The following UGT2B4 variants were observed in gnomAD, a reference collection of about 807,000 sequenced individuals.
UGT2B4 encodes the protein UDP-glucuronosyltransferase 2B4.
Under a neutral mutation model 49.8 loss-of-function variants are expected in UGT2B4, and 49 were observed. That is an observed-to-expected ratio of 0.98 (90% CI 0.78 to 1.25). The LOEUF is 1.25. Ranked by LOEUF, UGT2B4 falls within the 50% of genes most tolerant of loss-of-function variation. UGT2B4 has a pLI of 0.00. For synonymous variants in UGT2B4, 246 were observed against 217.7 expected (o/e 1.13, Z -1.14); for missense variants, 729 against 627.7 (o/e 1.16, Z -1.73).
intron 1 of UGT2B4, among the ~76,000 whole-genome samples, chr4:69,507,529 C>G (rs1032151787): frequency 3.3e-5 from 5 of 151,886 alleles, no homozygotes; most frequent in Admixed American, 3.3e-4. Context: ...TCCAAAATAA[C>G]CAACCAAACA....
At chr4:69,500,669 G>GAAAGA (rs1194966473), upstream of UGT2B4, among the ~76,000 whole-genome samples, 3 of 107,054 alleles carry the variant, frequency 2.8e-5, no homozygotes, top group African/African-American at 8.6e-5. Context: ...AAGAAAGAAA[G>GAAAGA]GAAGGAAAGA....
intron 1 of UGT2B4, among the ~76,000 whole-genome samples, chr4:69,510,982 CTT>C (rs1259714505): frequency 1.8e-5 from 2 of 110,956 alleles, no homozygotes; most frequent in Non-Finnish European, 3.5e-5. Flanking sequence ...TCTTTCTTTT[CTT>C]TTCTTCTTTT....
intron 1 of UGT2B4, among the ~76,000 whole-genome samples, chr4:69,501,231 T>G (rs542469769): frequency 5.8e-4 from 74 of 127,530 alleles, no homozygotes; most frequent in African/African-American, 2.1e-3. Context: ...CTTTGGAGAG[T>G]CCAGATGAAC....
At chr4:69,503,389 A>T (rs1375118578) in intron 1 of UGT2B4, among the ~76,000 whole-genome samples, 1 of 152,174 alleles carries the variant, frequency 6.6e-6, no homozygotes, top group Non-Finnish European at 1.5e-5. Flanking sequence ...CCAAGACTGC[A>T]GCTTCTCCTG....
upstream of UGT2B4, among the ~76,000 whole-genome samples, chr4:69,499,487 G>A (rs901150001): frequency 3.9e-5 from 6 of 152,186 alleles, no homozygotes; most frequent in Admixed American, 3.9e-4. Flanking sequence ...CAATTATTGT[G>A]TGGGAGTCTA....
At chr4:69,502,130 T>TTTCTTTCTTTCTTTC (rs1728348971) in intron 1 of UGT2B4, among the ~76,000 whole-genome samples, 2 of 143,184 alleles carry the variant, frequency 1.4e-5, no homozygotes, top group Non-Finnish European at 3.0e-5. Context: ...TCTTTCTTTC[T>TTTCTTTCTTTCTTTC]TTCTTTCTTT....
At chr4:69,520,795 C>A (rs527848602) in intron 1 of UGT2B4, among the ~76,000 whole-genome samples, 1 of 152,188 alleles carries the variant, frequency 6.6e-6, no homozygotes, top group African/African-American at 2.4e-5. Flanking sequence ...AGCCTGAGTG[C>A]CATAGATGAC....
intron 1 of UGT2B4, among the ~76,000 whole-genome samples, chr4:69,503,762 C>T (rs1470397443): frequency 6.6e-6 from 1 of 152,226 alleles, no homozygotes; most frequent in African/African-American, 2.4e-5. Flanking sequence ...GCCTTCCACT[C>T]CTCCTCCAGT....
chr4:69,506,277 T>C (rs989865938), intron 1 of UGT2B4, among the ~76,000 whole-genome samples: 6 of 151,502 alleles, frequency 4.0e-5, no homozygotes, highest in Admixed American at 3.9e-4. Context: ...AAACGAAAAA[T>C]GAATCAAGAA....
At position 69,514,967 on chromosome 4, in the gene UGT2B4, G is replaced by A. The variant is rs1339859623; in HGVS notation, c.-106+10720C>T. ...GGGGAAGGGTTTAATTCAACAAGAA[G>A]ATCTATCTATCCTAAGTACATATGC... On this transcript the variant is annotated intron_variant, in intron 1 of 1. Transcript: ENST00000510114. Among the ~76,000 whole-genome samples, 4 of 152,180 alleles carry A rather than the reference G, an allele frequency of 2.6e-5. No individual in the cohort carries two copies. In the South Asian group the frequency reaches 6.2e-4, roughly 24 times the overall value.
chr4:69,480,739 A>G lies in UGT2B4; in HGVS notation c.1482T>C (p.Thr494=). 1 of 1,614,034 alleles carries G rather than the reference A, an allele frequency of 6.2e-7. No individual in the cohort carries two copies. The highest frequency in any genetic ancestry group is 2.2e-5 in the East Asian group (1 of 44,858). The change falls in exon 6 of 6, where the codon ACT becomes ACC. Residue 494 remains threonine, a synonymous_variant. Transcript: ENST00000305107. ...TWFQYHSLDV[T]GFLLACVATV... is the part of the protein sequence containing the mutation. ...TTGCCACACAGGCCAGCAGGAACCC[A>G]GTCACATCCAAAGAGTGGTACTGGA...
chr4:69,508,177 T>A (rs1358412636), intron 1 of UGT2B4, among the ~76,000 whole-genome samples: 1 of 152,022 alleles, frequency 6.6e-6, no homozygotes, highest in Non-Finnish European at 1.5e-5. Flanking sequence ...ATGGCTATTA[T>A]TAAAAAATAA....
At chr4:69,491,137 G>C (rs1009340654) in intron 2 of UGT2B4, among the ~76,000 whole-genome samples, 4 of 151,858 alleles carry the variant, frequency 2.6e-5, no homozygotes, top group African/African-American at 9.7e-5. Context: ...ATGTACACTT[G>C]TGACGTTTAT....
intron 5 of UGT2B4, 93 bp downstream of exon 5, chr4:69,485,115 T>G (rs1211093026): frequency 7.0e-7 from 1 of 1,428,910 alleles, no homozygotes; most frequent in South Asian, 1.3e-5. Flanking sequence ...TCTTTCGAAA[T>G]CAGTCGCTTA....
intron 1 of UGT2B4, among the ~76,000 whole-genome samples, chr4:69,502,110 T>TTTCTTTCTTTCTTTC (rs1728341594): frequency 1.1e-4 from 13 of 120,294 alleles, no homozygotes; most frequent in South Asian, 2.8e-4. Flanking sequence ...TCTTTCTTTC[T>TTTCTTTCTTTCTTTC]TTCTTTCTTT....
At chr4:69,493,587 C>T (rs1030549283) in intron 2 of UGT2B4, 106 bp downstream of exon 2, 2 of 1,379,358 alleles carry the variant, frequency 1.4e-6, no homozygotes, top group East Asian at 2.7e-5. Context: ...CTGCTTTACT[C>T]TTCCCACTTC....
intron 2 of UGT2B4, 112 bp from the exon 3 acceptor site, chr4:69,489,682 TA>T: frequency 1.4e-6 from 2 of 1,440,374 alleles, no homozygotes; most frequent in Non-Finnish European, 1.9e-6. Flanking sequence ...ATTATTGGAG[TA>T]AAGGATGTTT....
At chr4:69,493,936 A>G (rs1256494256) in intron 1 of UGT2B4, 95 bp from the exon 2 acceptor site, 4 of 1,412,116 alleles carry the variant, frequency 2.8e-6, no homozygotes, top group African/African-American at 3.0e-5. Flanking sequence ...GCAAAAATGT[A>G]GGCAAAGTGT....
intron 1 of UGT2B4, among the ~76,000 whole-genome samples, chr4:69,514,194 C>G (rs1157889584): frequency 6.6e-6 from 1 of 152,014 alleles, no homozygotes; most frequent in African/African-American, 2.4e-5. Flanking sequence ...CACCCATTAA[C>G]TCGTCATTTA....
Sources: gnomAD v4.1 joint callset for allele counts (sites outside exome capture counted in the v4.1 genomes callset) on GRCh38, gnomAD v4.1.1 for gene constraint, MANE v1.5 for transcripts, NCBI Gene and HGNC (gene_info 2026-07-23, HGNC 2026-07-21) for gene names.